Variants in PKHD1 observed in about 807,000 individuals in gnomAD.
The protein encoded by PKHD1 is fibrocystin.
In PKHD1, 291 loss-of-function variants were observed where a neutral mutation model predicts 412.0. That is an observed-to-expected ratio of 0.71 (90% confidence interval 0.64 to 0.78). The LOEUF (loss-of-function observed/expected upper bound fraction) is 0.78. PKHD1 is among the 30% of genes least tolerant of loss of function. The probability of loss-of-function intolerance (pLI) is 0.00; values close to 1 mark genes in which losing one functional copy is unlikely to be tolerated. For missense variants in PKHD1, 4,825 were observed against 4,950.7 expected, an observed-to-expected ratio of 0.97 and a Z score of 0.76; for synonymous variants, 1,777 against 1,821.5, an observed-to-expected ratio of 0.98 and a Z score of 0.62.
At chr6:51,943,678 T>C (rs1788958792) in intron 36 of PKHD1, among the ~76,000 whole-genome samples, 1 of 151,658 alleles carries the variant, frequency 6.6e-6, no homozygotes, top group South Asian at 2.1e-4. Flanking sequence ...CTTTAATACC[T>C]GCTTTTCTCC....
At chr6:51,751,269 A>G (rs1246895559) in intron 57 of PKHD1, among the ~76,000 whole-genome samples, 4 of 152,152 alleles carry the variant, frequency 2.6e-5, no homozygotes, top group Admixed American at 6.6e-5. Context: ...ACAAATCAGT[A>G]CCCATATCTG....
At chr6:51,835,276 G>T (rs1181592410) in intron 51 of PKHD1, among the ~76,000 whole-genome samples, 2 of 152,128 alleles carry the variant, frequency 1.3e-5, no homozygotes, top group East Asian at 1.9e-4. Flanking sequence ...ACAGAAGGGG[G>T]CCTGGCATGA....
At position 51,753,375 on chromosome 6, in the gene PKHD1, GA is replaced by G. The variant is rs756671608; in HGVS notation, c.8798-23del. 1.9e-6 allele frequency: 3 copies of G among 1,568,600 alleles called. No individual in the cohort carries two copies. The highest frequency in any genetic ancestry group is 2.6e-6 in the Non-Finnish European group (3 of 1,141,398). ...CTTCCTGGGGCAATAGGAGTTGTGG[GA>G]AAAAAAAACTTTAAAAACCTGTTTC... is the stretch of plus-strand genomic sequence containing the variant. On this transcript the variant is annotated intron_variant, in intron 56 of 66. Transcript: ENST00000371117.
chr6:51,772,619 A>C, intron 55 of PKHD1, 83 bp downstream of exon 55: 1 of 687,180 alleles, frequency 1.5e-6, no homozygotes, highest in East Asian at 2.5e-5. Flanking sequence ...CCTAAAAATC[A>C]GTTTCATATT....
chr6:52,043,014 A>G lies in PKHD1; in HGVS notation c.2942T>C (p.Val981Ala). ...CKVIFSNQTN[V>A]VCQTDLLPVG... ...AGGTAGCAAATCTGTCTGACAGACTACATTGGTCTGGTTTGAGAAAATAAC... is the reference window on the plus strand; with the variant it reads ...AGGTAGCAAATCTGTCTGACAGACTGCATTGGTCTGGTTTGAGAAAATAAC... The change falls in exon 27 of 67, where the codon GTA becomes GCA. Residue 981 changes from valine (V) to alanine (A), a missense_variant. Coordinates refer to ENST00000371117, the MANE Select transcript of PKHD1 (RefSeq NM_138694.4). 1 of 1,614,078 alleles carries G rather than the reference A, an allele frequency of 6.2e-7. No homozygotes were observed. The highest frequency in any genetic ancestry group is 8.5e-7 in the Non-Finnish European group (1 of 1,179,922).
At chr6:51,715,877 C>G (rs1188840704) in intron 60 of PKHD1, among the ~76,000 whole-genome samples, 1 of 152,136 alleles carries the variant, frequency 6.6e-6, no homozygotes, top group Non-Finnish European at 1.5e-5. Flanking sequence ...AAATTCAAGA[C>G]AGTTATATCT....
intron 52 of PKHD1, among the ~76,000 whole-genome samples, chr6:51,792,604 A>T (rs1437908124): frequency 6.6e-6 from 1 of 152,240 alleles, no homozygotes; most frequent in Non-Finnish European, 1.5e-5. Context: ...TGATGAAGCC[A>T]TGTGACTGAG....
In PKHD1 at chr6:51,878,418, T is replaced by A. The variant is rs1425214862; in HGVS notation, c.7350+4675A>T. Among the ~76,000 whole-genome samples the A allele has an allele frequency of 9.1e-5, 4 of 43,852 alleles. 1 individual carries two copies. Among genetic ancestry groups the A allele is most frequent in the African/African-American group, 2.2e-4 (2 of 9,030 alleles). 28.8% of individuals were successfully genotyped at this position (43,852 alleles called of 152,430 possible). A position where few individuals can be genotyped will look rare whatever the true frequency, so the allele number is the denominator to read the frequency against. On this transcript the variant is annotated intron_variant, in intron 46 of 66. Coordinates refer to ENST00000371117, the MANE Select transcript of PKHD1 (RefSeq NM_138694.4). ...AGCACATCAAAAAGCTTATCCACCA[T>A]GATCAAGTGGGCTTCATCCCTGGGA...
At chr6:51,728,101 A>T (rs1354485649) in intron 60 of PKHD1, among the ~76,000 whole-genome samples, 2 of 152,172 alleles carry the variant, frequency 1.3e-5, no homozygotes, top group Non-Finnish European at 2.9e-5. Context: ...ATGCTTTCTT[A>T]TCTGGTCATA....
chr6:51,796,511 A>T (rs1794628928), intron 52 of PKHD1, among the ~76,000 whole-genome samples: 2 of 148,776 alleles, frequency 1.3e-5, no homozygotes, highest in Non-Finnish European at 1.5e-5. Context: ...TTCAGCTCAG[A>T]TCTTGGTTAT....
At chr6:51,797,255 A>G (rs2151300094) in intron 52 of PKHD1, among the ~76,000 whole-genome samples, 1 of 152,196 alleles carries the variant, frequency 6.6e-6, no homozygotes, top group East Asian at 1.9e-4. Context: ...CTGTGTGGTG[A>G]TGAGAACAAG....
chr6:51,952,057 ATATC>A (rs550564379), intron 36 of PKHD1, among the ~76,000 whole-genome samples: 21 of 152,282 alleles, frequency 1.4e-4, no homozygotes, highest in Non-Finnish European at 2.4e-4. Flanking sequence ...AAATTGTTTA[ATATC>A]TATCTATCTG....
chr6:51,642,153 G>C (rs1368164186), intron 63 of PKHD1, among the ~76,000 whole-genome samples: 1 of 152,082 alleles, frequency 6.6e-6, no homozygotes, highest in Non-Finnish European at 1.5e-5. Flanking sequence ...CATCCTTAAG[G>C]TTACTGAAAG....
intron 35 of PKHD1, among the ~76,000 whole-genome samples, chr6:51,961,279 A>G (rs1395749249): frequency 6.6e-6 from 1 of 152,182 alleles, no homozygotes; most frequent in Non-Finnish European, 1.5e-5. Flanking sequence ...GTTTTCCAGA[A>G]AAAGATACAA....
intron 35 of PKHD1, among the ~76,000 whole-genome samples, chr6:51,968,035 T>C (rs983035003): frequency 1.3e-5 from 2 of 152,150 alleles, no homozygotes; most frequent in Admixed American, 1.3e-4. Flanking sequence ...CCTTTGCTTT[T>C]TTCCTGTCTT....
chr6:51,687,406 T>C (rs1777582402), intron 60 of PKHD1, among the ~76,000 whole-genome samples: 1 of 152,230 alleles, frequency 6.6e-6, no homozygotes, highest in South Asian at 2.1e-4. Context: ...ATGCATTATA[T>C]ATAAATGTTG....
intron 60 of PKHD1, among the ~76,000 whole-genome samples, chr6:51,692,395 T>C (rs1778282411): frequency 6.6e-6 from 1 of 152,158 alleles, no homozygotes; most frequent in African/African-American, 2.4e-5. Flanking sequence ...CTAGTTAAAA[T>C]TCTTTTCTGT....
chr6:51,987,305 GATA>G (rs1447462339), intron 35 of PKHD1, among the ~76,000 whole-genome samples: 1 of 152,168 alleles, frequency 6.6e-6, no homozygotes, highest in East Asian at 1.9e-4. Context: ...TGGGAGAAAT[GATA>G]ATAATAACAA....
In PKHD1 at chr6:51,757,310, A is replaced by G. The variant is rs1787185467; in HGVS notation, c.8643-2372T>C. ...TTTTTAGGGCAATATTCTGTGTAAT[A>G]CTATGGGAGTACATATACACGATCA... On this transcript the variant is annotated intron_variant, in intron 55 of 66. Transcript: ENST00000371117. Among the ~76,000 whole-genome samples the G allele has an allele frequency of 3.9e-5, 6 of 152,188 alleles. No individual in the cohort carries two copies. In the South Asian group the frequency reaches 1.2e-3, roughly 32 times the overall value.
Sources: allele counts gnomAD v4.1 joint callset (sites outside exome capture counted in the v4.1 genomes callset), GRCh38; gene constraint gnomAD v4.1.1; transcripts MANE v1.5; gene names NCBI Gene and HGNC (gene_info 2026-07-23, HGNC 2026-07-21).